The following KRT73 variants were observed in gnomAD, a reference collection of about 807,000 sequenced individuals.
The protein encoded by KRT73 is keratin, type II cytoskeletal 73.
In KRT73, 44 loss-of-function variants were observed where a neutral mutation model predicts 47.2. The ratio of observed to expected loss-of-function variants is 0.93; its 90% confidence interval spans 0.73 to 1.20. The LOEUF (loss-of-function observed/expected upper bound fraction) is 1.20. Among genes scored for constraint, KRT73 ranks in the 50% most tolerant of loss-of-function variants. The probability of loss-of-function intolerance (pLI) is 0.00; values close to 1 mark genes in which losing one functional copy is unlikely to be tolerated. For synonymous variants in KRT73, 285 were observed against 291.3 expected (o/e 0.98, Z 0.22); for missense variants, 713 against 704.5 (o/e 1.01, Z -0.14).
intron 5 of KRT73, chr12:52,612,593 G>T (rs11170197): frequency 6.6e-6 from 1 of 152,164 alleles, no homozygotes; most frequent in African/African-American, 2.4e-5. Context: ...CTGCTTCTCC[G>T]CAAGGCTGTG....
At chr12:52,613,543 C>G in intron 5 of KRT73, 145 bp downstream of exon 5, 1 of 1,448,568 alleles carries the variant, frequency 6.9e-7, no homozygotes, top group Non-Finnish European at 9.1e-7. Flanking sequence ...GTGTCTTCTC[C>G]TCCCCTTTGG....
At chr12:52,610,939 C>T (rs1332975216) in intron 6 of KRT73, 104 bp from the exon 7 acceptor site, 1 of 1,085,886 alleles carries the variant, frequency 9.2e-7, no homozygotes. Context: ...GCCCCATGTC[C>T]TGGAGCAGAG....
intron 8 of KRT73, among the ~76,000 whole-genome samples, chr12:52,608,872 G>C (rs1185309894): frequency 6.6e-6 from 1 of 152,224 alleles, no homozygotes; most frequent in African/African-American, 2.4e-5. Flanking sequence ...CATTAAACTG[G>C]CTTGCACAGT....
chr12:52,610,796 G>T lies in KRT73; in HGVS notation c.1150C>A (p.Arg384=). 15 of 1,613,278 alleles carry T rather than the reference G, an allele frequency of 9.3e-6. No homozygotes were observed. The highest frequency in any genetic ancestry group is 1.3e-5 in the Non-Finnish European group (15 of 1,179,982). Reference sequence around the variant, plus strand: ...GCATCCTTGAGGGCACAGTCCCCCCGCTGCTCGGCGTCAGCGATGGCCGTC... The same window carrying T: ...GCATCCTTGAGGGCACAGTCCCCCCTCTGCTCGGCGTCAGCGATGGCCGTC... ...LETAIADAEQ[R]GDCALKDARA... Residue 384 remains arginine (R), a synonymous_variant, in exon 7 of 9, where the codon CGG becomes AGG. Coordinates refer to ENST00000305748, the MANE Select transcript of KRT73 (RefSeq NM_175068.3).
the KRT73 span, among the ~76,000 whole-genome samples, chr12:52,628,086 C>G: frequency 1.4e-5 from 1 of 72,992 alleles, no homozygotes; most frequent in African/African-American, 6.2e-5. Context: ...AGTGGGCAAC[C>G]CTTTAAACAA....
At chr12:52,614,534 T>A in intron 4 of KRT73, 45 bp downstream of exon 4, 1 of 1,524,730 alleles carries the variant, frequency 6.6e-7, no homozygotes, top group Non-Finnish European at 9.0e-7. Flanking sequence ...CACATATCTG[T>A]CCTTCCAGAA....
chr12:52,616,419 G>A (rs1411224643), intron 1 of KRT73, 39 bp from the exon 2 acceptor site: 4 of 1,609,216 alleles, frequency 2.5e-6, no homozygotes, highest in East Asian at 2.2e-5. Flanking sequence ...AATGTGGAGA[G>A]GGGATGTGAG....
intron 5 of KRT73, 180 bp downstream of exon 5, chr12:52,613,508 C>T: frequency 8.3e-7 from 1 of 1,202,530 alleles, no homozygotes. Context: ...TGCTGTTGAT[C>T]TAAGTGGGTG....
rs759267916 is a variant in KRT73 at position 52,610,852 on chromosome 12, G to C, written c.1111-17C>G. ...GTTGGCACACTGGGGTCAGGAGGTA[G>C]CATTTCTCCCTGAGTTCCTCCCTGG... On this transcript the variant is annotated splice_polypyrimidine_tract_variant and intron_variant, in intron 6 of 8. Coordinates refer to ENST00000305748, the MANE Select transcript of KRT73 (RefSeq NM_175068.3). 2 of 1,599,242 alleles carry C rather than the reference G, an allele frequency of 1.3e-6. No individual in the cohort carries two copies. Among genetic ancestry groups the C allele is most frequent in the Non-Finnish European group, 1.7e-6 (2 of 1,171,230 alleles).
At chr12:52,620,802 C>A (rs1298576051), upstream of KRT73, among the ~76,000 whole-genome samples, 1 of 152,168 alleles carries the variant, frequency 6.6e-6, no homozygotes, top group Non-Finnish European at 1.5e-5. Context: ...CTCTTCCCAG[C>A]CTCCCACATG....
In KRT73 at chr12:52,611,438, G is replaced by T. The variant is rs1940700934; in HGVS notation, c.985-109C>A. ...CAGAGCCTGGCAGAGGTGGGTCCAG[G>T]TCCCCCGCCTCACCATGTCTATCAG... On this transcript the variant is annotated intron_variant, in intron 5 of 8. Coordinates refer to ENST00000305748, the MANE Select transcript of KRT73 (RefSeq NM_175068.3). The T allele has an allele frequency of 5.3e-6, 7 of 1,310,168 alleles. No homozygotes were observed. In the South Asian group the frequency reaches 6.8e-5, roughly 13 times the overall value. The allele number at this position is 1,310,168 out of a possible 1,614,324, so 81.2% of individuals were successfully genotyped here.
At chr12:52,629,477 C>A in the KRT73 span, among the ~76,000 whole-genome samples, 4 of 152,180 alleles carry the variant, frequency 2.6e-5, no homozygotes. Flanking sequence ...GGAGGAGGAA[C>A]CTCCACAGGG....
At chr12:52,613,386 T>C (rs1042144508) in intron 5 of KRT73, 2 of 269,580 alleles carry the variant, frequency 7.4e-6, no homozygotes, top group African/African-American at 2.2e-5. Context: ...CAGACAGAAC[T>C]CTCTGCCTCC....
chr12:52,618,582 C>T (rs1248115990), upstream of KRT73: 8 of 1,514,392 alleles, frequency 5.3e-6, no homozygotes, highest in Non-Finnish European at 7.1e-6. Flanking sequence ...ATGCAGTTCA[C>T]CAGCCTGTGA....
Position 52,610,680 on chromosome 12 carries a change from G to T in KRT73, c.1266C>A (p.Ser422Arg), listed in dbSNP as rs148879955. ...TCTCAATATCCAGGGACAGCTTCAC[G>T]CTCAAAAGCTCTTGGTACTCGCGCA... ...RMLREYQELL[S>R]VKLSLDIEIA... The change falls in exon 7 of 9, where the codon AGC becomes AGA. Residue 422 changes from serine to arginine, a missense_variant. Ser to Arg is a moderately radical substitution (Grantham distance 110). Coordinates refer to ENST00000305748, the MANE Select transcript of KRT73 (RefSeq NM_175068.3). 1 of 1,613,822 alleles carries T rather than the reference G, an allele frequency of 6.2e-7. No homozygotes were observed. Among genetic ancestry groups the T allele is most frequent in the Non-Finnish European group, 8.5e-7 (1 of 1,179,978 alleles).
intron 6 of KRT73, 32 bp from the exon 7 acceptor site, chr12:52,610,867 T>A: frequency 6.4e-7 from 1 of 1,566,910 alleles, no homozygotes. Context: ...TCTCCCTGAG[T>A]TCCTCCCTGG....
chr12:52,622,169 T>C (rs1469839082), upstream of KRT73, among the ~76,000 whole-genome samples: 1 of 152,138 alleles, frequency 6.6e-6, no homozygotes, highest in Admixed American at 6.5e-5. Flanking sequence ...AATACTTAGA[T>C]GACAAAGTTG....
chr12:52,626,540 G>T, the KRT73 span, among the ~76,000 whole-genome samples: 1 of 152,142 alleles, frequency 6.6e-6, no homozygotes, highest in East Asian at 1.9e-4. Flanking sequence ...ACCACAACTC[G>T]TATCCCTCTG....
Position 52,608,404 on chromosome 12 carries a change from A to C in KRT73, c.1415T>G (p.Phe472Cys). The change falls in exon 9 of 9, where the codon TTT becomes TGT. Residue 472 changes from phenylalanine (F) to cysteine (C), a missense_variant. By Grantham distance (205) the Phe-to-Cys change is radical. Coordinates refer to ENST00000305748, the MANE Select transcript of KRT73 (RefSeq NM_175068.3). ...GTAGGTGCCAGCATTGCTGAATCCA[A>C]AGCCAGCCCCTGTGCCTGCCATCCC... ...MAGMAGTGAG[F>C]GFSNAGTYGY... is the part of the protein sequence containing the mutation. 1.2e-6 allele frequency: 2 copies of C among 1,612,522 alleles called. No homozygotes were observed. Among genetic ancestry groups the C allele is most frequent in the South Asian group, 2.2e-5 (2 of 90,950 alleles).
Sources: gnomAD v4.1 joint callset for allele counts (sites outside exome capture counted in the v4.1 genomes callset) on GRCh38, gnomAD v4.1.1 for gene constraint, MANE v1.5 for transcripts, NCBI Gene and HGNC (gene_info 2026-07-23, HGNC 2026-07-21) for gene names.